PDXDC1: variants seen among roughly 807,000 people sequenced by gnomAD.
PDXDC1 encodes the protein pyridoxal-dependent decarboxylase domain-containing protein 1.
In PDXDC1, 42 loss-of-function variants were observed where a neutral mutation model predicts 100.1. The observed-to-expected ratio is 0.42, with a 90% CI of 0.33 to 0.54. The LOEUF (loss-of-function observed/expected upper bound fraction) is 0.54. Among genes scored for constraint, PDXDC1 ranks in the 20% least tolerant of loss-of-function variants. PDXDC1 has a pLI of 0.10. For missense variants in PDXDC1, 636 were observed against 979.2 expected (o/e 0.65, Z 4.68); for synonymous variants, 260 against 371.7 (o/e 0.70, Z 3.46).
At chr16:15,021,542 G>T (rs1001145443) in intron 12 of PDXDC1, among the ~76,000 whole-genome samples, 1 of 152,282 alleles carries the variant, frequency 6.6e-6, no homozygotes, top group African/African-American at 2.4e-5. Context: ...TTGGGCACTC[G>T]GGAGATTTTT....
At chr16:15,145,878 T>G in the PDXDC1 span, among the ~76,000 whole-genome samples, 1 of 152,196 alleles carries the variant, frequency 6.6e-6, no homozygotes, top group South Asian at 2.1e-4. Flanking sequence ...TCCAGGGTGC[T>G]TGGCGGGCTG....
chr16:15,136,292 C>CA (rs887185455), intron 16 of PDXDC1, among the ~76,000 whole-genome samples: 28 of 152,204 alleles, frequency 1.8e-4, no homozygotes, highest in African/African-American at 6.5e-4. Context: ...CTCACAGCAG[C>CA]ACCCACCCAC....
rs376663643 is a variant in PDXDC1, at chr16:15,038,226, G to A, written c.*1951G>A. The A allele has an allele frequency of 1.4e-5, 22 of 1,607,690 alleles. 1 individual carries two copies. In the African/African-American group the frequency reaches 2.7e-4, roughly 20 times the overall value. On this transcript the variant is annotated 3_prime_UTR_variant, in exon 23 of 23. Transcript: ENST00000396410. Reference sequence around the variant, plus strand: ...TGGAAAGATTCTGAAAACACAAGATGGTGGGCATTAGAGAAGCCAACCTTA... The same window carrying A: ...TGGAAAGATTCTGAAAACACAAGATAGTGGGCATTAGAGAAGCCAACCTTA...
At chr16:15,065,448 A>C in intron 16 of PDXDC1, 1 of 1,268,376 alleles carries the variant, frequency 7.9e-7, no homozygotes, top group African/African-American at 1.5e-5. Flanking sequence ...GCTGCGTGTG[A>C]CAACTGTACC....
rs755229445 is a variant in PDXDC1 at position 15,036,613 on chromosome 16, G to T, written c.*338G>T. ...TAAGCCTAAGTATATGAGGTTGCCC[G>T]TGGCAACTTTTTGGTAAAACAGCTT... On this transcript the variant is annotated 3_prime_UTR_variant, in exon 23 of 23. Coordinates refer to ENST00000396410, the MANE Select transcript of PDXDC1 (RefSeq NM_015027.4). 3 of 292,200 alleles carry T rather than the reference G, an allele frequency of 1.0e-5. No homozygotes were observed. The highest frequency in any genetic ancestry group is 1.3e-5 in the Non-Finnish European group (2 of 156,096). 18.1% of individuals were successfully genotyped at this position (292,200 alleles called of 1,614,324 possible).
chr16:14,990,075 A>G, intron 1 of PDXDC1: 1 of 1,494,086 alleles, frequency 6.7e-7, no homozygotes, highest in East Asian at 3.0e-5. Context: ...AAGCAGCAGT[A>G]GGAGGCCAAG....
chr16:15,135,594 G>A (rs1458851527), intron 16 of PDXDC1: 3 of 1,383,120 alleles, frequency 2.2e-6, no homozygotes, highest in East Asian at 4.6e-5. Flanking sequence ...TGTTCTCTGG[G>A]CTCATGGGTG....
At chr16:15,065,181 A>G (rs573488753) in intron 16 of PDXDC1, 1 of 1,551,444 alleles carries the variant, frequency 6.4e-7, no homozygotes, top group South Asian at 1.2e-5. Context: ...AAAAAAAAAA[A>G]TCCACCTCCT....
At position 15,136,903 on chromosome 16, in the gene PDXDC1, G is replaced by A. The variant is rs2048363007; in HGVS notation, c.1400-1976G>A. 4.4e-6 allele frequency: 7 copies of A among 1,601,090 alleles called. 1 individual carries two copies. The highest frequency in any genetic ancestry group is 5.1e-6 in the Non-Finnish European group (6 of 1,177,800). On this transcript the variant is annotated intron_variant, in intron 16 of 16. Coordinates refer to the PDXDC1 transcript ENST00000535621. ...GCTCCTCGCCCAGGGCCACGATGCT[G>A]TAGGCAGCCTCCAGGCCTGAACCAC...
chr16:15,129,100 C>T (rs1168711173), intron 16 of PDXDC1, among the ~76,000 whole-genome samples: 6 of 151,736 alleles, frequency 4.0e-5, no homozygotes, highest in African/African-American at 1.2e-4. Flanking sequence ...CCACCGCGCC[C>T]GGCCGACAGT....
intron 16 of PDXDC1, chr16:15,086,018 C>T: frequency 6.5e-6 from 5 of 765,826 alleles, no homozygotes; most frequent in Middle Eastern, 2.4e-4. Context: ...AGACCTGGTG[C>T]CAATATGCAT....
intron 16 of PDXDC1, among the ~76,000 whole-genome samples, chr16:15,058,628 G>A (rs1376416552): frequency 6.6e-6 from 1 of 152,160 alleles, no homozygotes; most frequent in Admixed American, 6.5e-5. Flanking sequence ...TCAGGAGACT[G>A]AGGTGGGCGG....
At chr16:15,083,313 C>T (rs1354651489) in intron 16 of PDXDC1, among the ~76,000 whole-genome samples, 3 of 152,062 alleles carry the variant, frequency 2.0e-5, no homozygotes, top group South Asian at 2.1e-4. Flanking sequence ...GCAGGAGAAT[C>T]GCTTGAACCC....
chr16:14,997,003 C>G (rs1403296530), intron 1 of PDXDC1, among the ~76,000 whole-genome samples: 11 of 152,108 alleles, frequency 7.2e-5, no homozygotes, highest in Non-Finnish European at 1.5e-4. Context: ...TTGCCGGTAC[C>G]CTGGGGCTGT....
intron 1 of PDXDC1, among the ~76,000 whole-genome samples, chr16:14,984,486 TATATATA>T (rs1968827145): frequency 1.1e-5 from 1 of 92,046 alleles, no homozygotes; most frequent in African/African-American, 3.5e-5. Flanking sequence ...CATATATATA[TATATATA>T]TATTTTTTTT....
At chr16:15,130,411 G>A in intron 16 of PDXDC1, 2 of 1,554,972 alleles carry the variant, frequency 1.3e-6, no homozygotes, top group Non-Finnish European at 1.8e-6. Flanking sequence ...AGGCGGAAGT[G>A]GCTGGAGAGG....
chr16:15,070,475 T>C (rs1438992237), intron 16 of PDXDC1, among the ~76,000 whole-genome samples: 3 of 151,816 alleles, frequency 2.0e-5, no homozygotes, highest in Non-Finnish European at 2.9e-5. Context: ...TCTGACCTTC[T>C]AGGAACAGGT....
rs1207917027 is a variant in PDXDC1, at chr16:15,012,853, A to T, written c.727+3094A>T. Among the ~76,000 whole-genome samples the T allele has an allele frequency of 7.8e-3, 12 of 1,542 alleles. No individual in the cohort carries two copies. In the South Asian group the frequency reaches 0.17, roughly 21 times the overall value. The allele number at this position is 1,542 out of a possible 152,430, so 1.0% of individuals were successfully genotyped here. On this transcript the variant is annotated intron_variant, in intron 8 of 22. Coordinates refer to ENST00000396410, the MANE Select transcript of PDXDC1 (RefSeq NM_015027.4). Reference sequence around the variant, plus strand: ...GGTGACAGAGCCAGATCCTTTCTTAAAAAAAAAAAAAAAAAATTCTTTAAA... The same window carrying T: ...GGTGACAGAGCCAGATCCTTTCTTATAAAAAAAAAAAAAAAATTCTTTAAA...
intron 16 of PDXDC1, chr16:15,137,676 A>G (rs2151931514): frequency 8.5e-7 from 1 of 1,172,904 alleles, no homozygotes; most frequent in Non-Finnish European, 1.2e-6. Context: ...GGCCTTCCTG[A>G]GCCCTGCCCA....
Sources: allele counts gnomAD v4.1 joint callset (sites outside exome capture counted in the v4.1 genomes callset), GRCh38; gene constraint gnomAD v4.1.1; transcripts MANE v1.5; gene names NCBI Gene and HGNC (gene_info 2026-07-23, HGNC 2026-07-21).